The following TINAG variants were observed in gnomAD, a reference collection of about 807,000 sequenced individuals.
The protein encoded by TINAG is tubulointerstitial nephritis antigen.
Under a neutral mutation model 72.7 loss-of-function variants are expected in TINAG, and 83 were observed. The observed-to-expected ratio is 1.14, with a 90% CI of 0.96 to 1.37. TINAG has a LOEUF of 1.37. TINAG is among the 40% of genes most tolerant of loss of function. The pLI is 0.00. For missense variants in TINAG, 685 were observed against 576.6 expected, an observed-to-expected ratio of 1.19 and a Z score of -1.93; for synonymous variants, 234 against 189.9, an observed-to-expected ratio of 1.23 and a Z score of -1.91.
chr6:54,342,520 C>A (rs567361712), intron 4 of TINAG, among the ~76,000 whole-genome samples: 171 of 152,136 alleles, frequency 1.1e-3, no homozygotes, highest in Non-Finnish European at 1.8e-3. Flanking sequence ...AGGTGCCCAC[C>A]ACCATGCCTG....
chr6:54,323,553 CTATGTAATG>C (rs1784538888), intron 3 of TINAG, among the ~76,000 whole-genome samples: 1 of 152,104 alleles, frequency 6.6e-6, no homozygotes, highest in Non-Finnish European at 1.5e-5. Context: ...TTTATTTATT[CTATGTAATG>C]TACTTCAGTG....
intron 4 of TINAG, among the ~76,000 whole-genome samples, chr6:54,340,728 T>C (rs1395646746): frequency 1.3e-5 from 2 of 152,102 alleles, no homozygotes; most frequent in Admixed American, 6.6e-5. Context: ...TCTGGCTTAG[T>C]GGATTGGTAA....
intron 10 of TINAG, among the ~76,000 whole-genome samples, chr6:54,388,603 A>G (rs1764164925): frequency 6.6e-6 from 1 of 152,060 alleles, no homozygotes; most frequent in African/African-American, 2.4e-5. Flanking sequence ...TGTTGAGGTG[A>G]AGCTGCTAAT....
intron 9 of TINAG, among the ~76,000 whole-genome samples, chr6:54,380,264 C>T (rs1763905977): frequency 8.1e-6 from 1 of 123,408 alleles, no homozygotes; most frequent in Admixed American, 7.5e-5. Context: ...TTGCCTTAGT[C>T]TTTCTCTCCT....
intron 4 of TINAG, among the ~76,000 whole-genome samples, chr6:54,334,368 G>A (rs1319733979): frequency 5.3e-5 from 8 of 152,194 alleles, no homozygotes; most frequent in African/African-American, 1.9e-4. Context: ...CTCTTCAAAT[G>A]TTTAATGTAC....
intron 10 of TINAG, among the ~76,000 whole-genome samples, chr6:54,387,028 A>C (rs1428658344): frequency 6.6e-6 from 1 of 152,144 alleles, no homozygotes; most frequent in African/African-American, 2.4e-5. Context: ...ACAAGTCCTC[A>C]CATATACAAT....
intron 1 of TINAG, among the ~76,000 whole-genome samples, chr6:54,312,537 C>A (rs1007650293): frequency 1.3e-5 from 2 of 152,004 alleles, no homozygotes; most frequent in Non-Finnish European, 2.9e-5. Context: ...ACATGGGTTT[C>A]TACCGTTTTT....
rs371345432 is a variant in TINAG at position 54,308,571 on chromosome 6, C to T, written c.21C>T (p.Ile7=). The change falls in exon 1 of 11, where the codon ATC becomes ATT. Residue 7 remains isoleucine (I), a synonymous_variant. Transcript: ENST00000259782. MWTGYK[I]LIFSYLTTEI... ...AGAGAATGTGGACCGGATATAAGAT[C>T]TTAATCTTCTCTTATCTTACTACAG... is the stretch of plus-strand genomic sequence containing the variant. 1 of 1,611,990 alleles carries T rather than the reference C, an allele frequency of 6.2e-7. No individual in the cohort carries two copies.
At position 54,357,030 on chromosome 6, in the gene TINAG, CT is replaced by C. The variant is rs1035636080; in HGVS notation, c.1250+2397del. ...TTTGCCTGGAATCACTTTCAGTTCT[CT>C]TTCCAATCTTTCTTAAACTGCACCA... On this transcript the variant is annotated intron_variant, in intron 9 of 10. Transcript: ENST00000259782. 5.9e-5 allele frequency among the ~76,000 whole-genome samples: 9 copies of C among 151,868 alleles called. 1 individual carries two copies. Among genetic ancestry groups the C allele is most frequent in the East Asian group, 3.9e-4 (2 of 5,144 alleles).
chr6:54,335,468 G>A (rs1048844787), intron 4 of TINAG, among the ~76,000 whole-genome samples: 4 of 152,178 alleles, frequency 2.6e-5, no homozygotes, highest in Non-Finnish European at 4.4e-5. Flanking sequence ...TACGATGTAA[G>A]TCAAGGAAAT....
chr6:54,334,690 T>G (rs1784819169), intron 4 of TINAG, among the ~76,000 whole-genome samples: 1 of 152,150 alleles, frequency 6.6e-6, no homozygotes, highest in African/African-American at 2.4e-5. Context: ...ATCTAAAAAA[T>G]TATTTCCCCT....
At chr6:54,341,779 C>T (rs10456681) in intron 4 of TINAG, among the ~76,000 whole-genome samples, 22,335 of 151,860 alleles carry the variant, frequency 0.15, 1,833 homozygotes, top group Non-Finnish European at 0.18. Flanking sequence ...TTTACTTCTG[C>T]GGCAAATTAG....
At chr6:54,367,669 CTTTG>C (rs1035981919) in intron 9 of TINAG, among the ~76,000 whole-genome samples, 9 of 151,746 alleles carry the variant, frequency 5.9e-5, no homozygotes, top group South Asian at 4.2e-4. Flanking sequence ...TATTGTTGTT[CTTTG>C]TTTATTTTTC....
chr6:54,385,879 ATTTTTTTTT>A (rs557831982), intron 10 of TINAG, among the ~76,000 whole-genome samples: 1 of 80,756 alleles, frequency 1.2e-5, no homozygotes, highest in Non-Finnish European at 2.3e-5. Context: ...AAAAAACATG[ATTTTTTTTT>A]TTTTTTTTTT....
chr6:54,328,792 C>G (rs1313865218), intron 4 of TINAG, among the ~76,000 whole-genome samples: 1 of 151,610 alleles, frequency 6.6e-6, no homozygotes, highest in Admixed American at 6.6e-5. Flanking sequence ...CCTGATGGAG[C>G]TGAAAAAACA....
chr6:54,385,547 G>C (rs1764074092), intron 10 of TINAG, among the ~76,000 whole-genome samples: 1 of 151,876 alleles, frequency 6.6e-6, no homozygotes, highest in African/African-American at 2.4e-5. Flanking sequence ...CTTCACTGGT[G>C]AATTTTCCAA....
chr6:54,308,907 T>C lies in TINAG; in HGVS notation c.355+2T>C, dbSNP rs757183787. ...ACACACAGCCTTGGTATCCAGAAGG[T>C]AGGCTTTGGGAATGTGTTTCAACAT... On this transcript the variant is annotated splice_donor_variant, in intron 1 of 10. Transcript: ENST00000259782. LOFTEE classifies it high-confidence loss of function. 6.6e-5 allele frequency: 106 copies of C among 1,599,096 alleles called. No homozygotes were observed. Among genetic ancestry groups the C allele is most frequent in the Admixed American group, 8.5e-5 (5 of 59,030 alleles).
At chr6:54,340,286 A>T (rs1784966141) in intron 4 of TINAG, among the ~76,000 whole-genome samples, 1 of 152,154 alleles carries the variant, frequency 6.6e-6, no homozygotes. Context: ...TATCTATATG[A>T]AATCCTGTAA....
intron 9 of TINAG, among the ~76,000 whole-genome samples, chr6:54,356,744 G>T (rs1362902640): frequency 6.6e-6 from 1 of 151,804 alleles, no homozygotes; most frequent in Non-Finnish European, 1.5e-5. Context: ...AATTAAAAGA[G>T]ACATTTTTGA....
Sources: gnomAD v4.1 joint callset for allele counts (sites outside exome capture counted in the v4.1 genomes callset) on GRCh38, gnomAD v4.1.1 for gene constraint, MANE v1.5 for transcripts, NCBI Gene and HGNC (gene_info 2026-07-23, HGNC 2026-07-21) for gene names.